The following PSD2 variants were observed in gnomAD, a reference collection of about 807,000 sequenced individuals.
PSD2 encodes the protein PH and SEC7 domain-containing protein 2.
PSD2 carries 38 observed loss-of-function variants against 69.8 expected under a neutral mutation model. That is an observed-to-expected ratio of 0.54 (90% confidence interval 0.42 to 0.71). The LOEUF (loss-of-function observed/expected upper bound fraction) is 0.71, where lower values mean the gene tolerates loss of function less well. Among genes scored for constraint, PSD2 ranks in the 30% least tolerant of loss-of-function variants. PSD2 has a pLI of 0.00. For missense variants in PSD2, 943 were observed against 1,014.5 expected (o/e 0.93, Z 0.96); for synonymous variants, 412 against 423.0 (o/e 0.97, Z 0.32).
chr5:139,814,251 C>G lies in PSD2; in HGVS notation c.903C>G (p.Asp301Glu), dbSNP rs141034554. The change falls in exon 4 of 15, where the codon GAC (aspartate) becomes GAG (glutamate). Residue 301 changes from aspartate to glutamate, a missense_variant. Around this residue, in one of 3 missense-constraint regions of PSD2, gnomAD observed 466 missense variants for 445.0 expected, o/e 1.05. Transcript: ENST00000274710. This position sits in a 1 kb window ranked among gnomAD's most constrained non-coding sequence, Gnocchi z 4.4. ...AGGGGTTGGAGCCTGGTAGTGCAGA[C>G]CCTCTGGCCAACGGGTGCCAGGGGG... is the stretch of plus-strand genomic sequence containing the variant. ...SSEGLEPGSA[D>E]PLANGCQGVS... 969 of 1,613,874 alleles carry G rather than the reference C, an allele frequency of 6.0e-4. 11 individuals carry two copies. In the African/African-American group the frequency reaches 0.01, roughly 17 times the overall value.
intron 5 of PSD2, 109 bp from the exon 6 acceptor site, chr5:139,821,784 G>C: frequency 1.6e-6 from 1 of 606,070 alleles, no homozygotes; most frequent in South Asian, 2.4e-5. Flanking sequence ...AGAGAGTGGG[G>C]CACTGGAGCC....
At chr5:139,828,229 T>C (rs2126956576) in intron 7 of PSD2, among the ~76,000 whole-genome samples, 2 of 149,652 alleles carry the variant, frequency 1.3e-5, no homozygotes, top group Middle Eastern at 6.8e-3. Flanking sequence ...CACTGGTCAA[T>C]GGACTGAAGG....
the PSD2 span, among the ~76,000 whole-genome samples, chr5:139,780,217 C>T: frequency 1.3e-5 from 2 of 152,160 alleles, no homozygotes; most frequent in African/African-American, 4.8e-5. Flanking sequence ...GTTGTCACCT[C>T]CTCAGTGTCA....
the PSD2 span, among the ~76,000 whole-genome samples, chr5:139,768,396 C>T: frequency 3.9e-5 from 6 of 152,168 alleles, no homozygotes. Flanking sequence ...CACTCACTGC[C>T]CTCTGTTTCC....
At chr5:139,794,104 G>A (rs1383227106), upstream of PSD2, among the ~76,000 whole-genome samples, 1 of 152,198 alleles carries the variant, frequency 6.6e-6, no homozygotes. Flanking sequence ...CTGGGCACCT[G>A]CACAGAGAGT....
At chr5:139,792,727 T>C (rs1209027389), upstream of PSD2, among the ~76,000 whole-genome samples, 1 of 151,964 alleles carries the variant, frequency 6.6e-6, no homozygotes, top group Non-Finnish European at 1.5e-5. Flanking sequence ...TTTTCTTTTC[T>C]TTCTCTCTTT....
At chr5:139,779,259 TG>T in the PSD2 span, among the ~76,000 whole-genome samples, 1 of 152,220 alleles carries the variant, frequency 6.6e-6, no homozygotes, top group Admixed American at 6.5e-5. Context: ...ACCCAATTTG[TG>T]GTCTTTTGGC....
chr5:139,766,939 T>C, the PSD2 span, among the ~76,000 whole-genome samples: 7 of 97,006 alleles, frequency 7.2e-5, no homozygotes, highest in East Asian at 2.8e-4. Flanking sequence ...CCTTCTTTCT[T>C]TCTTTCTTTC....
the PSD2 span, among the ~76,000 whole-genome samples, chr5:139,749,489 A>G: frequency 1.3e-5 from 2 of 152,358 alleles, no homozygotes; most frequent in Admixed American, 6.5e-5. Flanking sequence ...GTGCCAAAAC[A>G]TCATCTCACC....
the PSD2 span, among the ~76,000 whole-genome samples, chr5:139,787,531 C>T: frequency 2.6e-5 from 4 of 152,248 alleles, no homozygotes; most frequent in African/African-American, 9.6e-5. Flanking sequence ...ACAGAACACT[C>T]TCAGCAGCAG....
the PSD2 span, among the ~76,000 whole-genome samples, chr5:139,766,931 T>TTTCTTTCTC: frequency 3.2e-4 from 4 of 12,362 alleles, 1 homozygote; most frequent in Non-Finnish European, 4.5e-4. Context: ...CTTCCTTCCC[T>TTTCTTTCTC]TCTTTCTTTC....
chr5:139,784,324 C>G, the PSD2 span, among the ~76,000 whole-genome samples: 1 of 152,008 alleles, frequency 6.6e-6, no homozygotes, highest in African/African-American at 2.4e-5. Context: ...GGTGACCTCA[C>G]CCACTCATCC....
the PSD2 span, among the ~76,000 whole-genome samples, chr5:139,788,062 G>A: frequency 2.6e-5 from 4 of 152,350 alleles, no homozygotes; most frequent in African/African-American, 7.2e-5. Flanking sequence ...TCAGAGTGCG[G>A]GCGAGCGGGG....
chr5:139,781,360 G>T, the PSD2 span, among the ~76,000 whole-genome samples: 3 of 151,672 alleles, frequency 2.0e-5, no homozygotes, highest in Non-Finnish European at 2.9e-5. Context: ...TTCTGAGACG[G>T]AGTCTTGCTC....
At chr5:139,815,386 C>T (rs1293117124) in intron 4 of PSD2, among the ~76,000 whole-genome samples, 1 of 152,206 alleles carries the variant, frequency 6.6e-6, no homozygotes, top group Non-Finnish European at 1.5e-5. Flanking sequence ...CAACCACTCC[C>T]TCCAGCAGCT....
chr5:139,802,773 T>C (rs1561591818), intron 1 of PSD2, among the ~76,000 whole-genome samples: 1 of 152,108 alleles, frequency 6.6e-6, no homozygotes, highest in Non-Finnish European at 1.5e-5. Context: ...ACGCAAATGC[T>C]AAGCAAATGA....
In PSD2 at chr5:139,835,724, C is replaced by T. The variant is rs369919163; in HGVS notation, c.1361C>T (p.Thr454Ile). 8.1e-6 allele frequency: 13 copies of T among 1,614,002 alleles called. No homozygotes were observed. The highest frequency in any genetic ancestry group is 1.1e-5 in the Non-Finnish European group (13 of 1,179,954). The change falls in exon 9 of 15, where the codon ACC becomes ATC. Residue 454 changes from threonine to isoleucine, a missense_variant and splice_region_variant. Thr to Ile is a moderately conservative substitution (Grantham distance 89). This residue lies in a region of PSD2 where 312 missense variants were observed against 400.7 expected (regional missense o/e 0.78). Coordinates refer to ENST00000274710, the MANE Select transcript of PSD2 (RefSeq NM_032289.4). ...GQDFAKDLLK[T>I]LYNSIKNEKL... is the part of the protein sequence containing the mutation. Reference sequence around the variant, plus strand: ...CCCTCTCTCTTTTCCCTCTCCCAGACCCTTTACAACTCCATCAAGAATGAA... The same window carrying T: ...CCCTCTCTCTTTTCCCTCTCCCAGATCCTTTACAACTCCATCAAGAATGAA...
chr5:139,834,691 A>G (rs1420250863), intron 8 of PSD2, among the ~76,000 whole-genome samples: 1 of 152,100 alleles, frequency 6.6e-6, no homozygotes, highest in African/African-American at 2.4e-5. Flanking sequence ...CCAAACCCCA[A>G]TGTTCCATAG....
chr5:139,830,163 A>G lies in PSD2; in HGVS notation c.1270-3539A>G, dbSNP rs147350931. On this transcript the variant is annotated intron_variant, in intron 7 of 14. Coordinates refer to ENST00000274710, the MANE Select transcript of PSD2 (RefSeq NM_032289.4). ...TTTCATGTACTTTTTGGCCATTTGT[A>G]TATTTTCTTTGGAGAAATGTCTATT... 3.0e-3 allele frequency among the ~76,000 whole-genome samples: 461 copies of G among 151,864 alleles called. 4 individuals are homozygous for G. The highest frequency in any genetic ancestry group is 0.01 in the African/African-American group (434 of 41,440).
Sources: allele counts gnomAD v4.1 joint callset (sites outside exome capture counted in the v4.1 genomes callset), GRCh38; gene constraint gnomAD v4.1.1; regional missense constraint gnomAD v4.1.1; non-coding constraint Gnocchi (gnomAD v3.1); transcripts MANE v1.5; gene names NCBI Gene and HGNC (gene_info 2026-07-23, HGNC 2026-07-21).